Variants in TACC2 observed in about 807,000 individuals in gnomAD.
TACC2 encodes the protein transforming acidic coiled-coil containing protein 2.
Under a neutral mutation model 227.3 loss-of-function variants are expected in TACC2, and 137 were observed. The observed-to-expected ratio is 0.60, with a 90% CI of 0.52 to 0.69. The LOEUF is 0.69. Ranked by LOEUF, TACC2 falls within the 30% of genes least tolerant of loss-of-function variation. TACC2 has a pLI of 0.00. For missense variants in TACC2, 3,470 were observed against 3,694.4 expected (o/e 0.94, Z 1.57); for synonymous variants, 1,523 against 1,487.5 (o/e 1.02, Z -0.55).
At chr10:122,224,377 C>T (rs937050787) in intron 11 of TACC2, among the ~76,000 whole-genome samples, 1 of 152,120 alleles carries the variant, frequency 6.6e-6, no homozygotes. Context: ...AGAGGAAACC[C>T]GCACCCAGAA....
chr10:122,022,269 T>C lies in TACC2; in HGVS notation c.33+255T>C, dbSNP rs1379086115. ...TTTATTATTATTTTTAAAGACATGG[T>C]CTTGCTCTGTCACCCAGGCTTGAAT... On this transcript the variant is annotated intron_variant, in intron 2 of 22. Transcript: ENST00000369005. 3 of 397,158 alleles carry C rather than the reference T, an allele frequency of 7.6e-6. No individual in the cohort carries two copies. The Admixed American group carries it at 1.2e-4, about 16-fold the overall frequency. The allele number at this position is 397,158 out of a possible 1,614,324, so 24.6% of individuals were successfully genotyped here. A position where few individuals can be genotyped will look rare whatever the true frequency, so the allele number is the denominator to read the frequency against.
intron 7 of TACC2, among the ~76,000 whole-genome samples, chr10:122,186,386 C>T (rs1275301470): frequency 2.0e-5 from 3 of 151,980 alleles, no homozygotes; most frequent in Admixed American, 6.6e-5. Flanking sequence ...CCAGCTTACT[C>T]GGGAGGCTGA....
chr10:122,146,552 G>A (rs571150296), intron 7 of TACC2, among the ~76,000 whole-genome samples: 7 of 152,112 alleles, frequency 4.6e-5, no homozygotes, highest in African/African-American at 1.4e-4. Flanking sequence ...AGAAAGACCC[G>A]AGCTAGCTTA....
chr10:122,200,299 G>A (rs933356818), intron 8 of TACC2, among the ~76,000 whole-genome samples: 1 of 152,182 alleles, frequency 6.6e-6, no homozygotes, highest in Non-Finnish European at 1.5e-5. Context: ...CAGGCTGGAA[G>A]GACGATGGAG....
At chr10:122,100,487 G>A (rs1260427008) in intron 5 of TACC2, among the ~76,000 whole-genome samples, 1 of 148,990 alleles carries the variant, frequency 6.7e-6, no homozygotes, top group Non-Finnish European at 1.5e-5. Context: ...GCAGTGGCCC[G>A]ATCTTAGCTC....
chr10:122,178,895 A>T (rs1232008897), intron 7 of TACC2, among the ~76,000 whole-genome samples: 2 of 152,146 alleles, frequency 1.3e-5, no homozygotes, highest in African/African-American at 4.8e-5. Flanking sequence ...AAAACACAGG[A>T]TAAACCCCTA....
At chr10:122,228,206 G>C (rs571105721) in intron 14 of TACC2, among the ~76,000 whole-genome samples, 198 bp downstream of exon 14, 23 of 152,346 alleles carry the variant, frequency 1.5e-4, no homozygotes, top group African/African-American at 5.5e-4. Context: ...ATTCCCACCA[G>C]TATGGTTTTG....
At position 122,084,162 on chromosome 10, in the gene TACC2, G is replaced by C. The variant is rs373604882; in HGVS notation, c.1662G>C (p.Lys554Asn). The change falls in exon 4 of 23, where the codon AAG (lysine) becomes AAC (asparagine). Residue 554 changes from lysine to asparagine, a missense_variant. This residue lies in a region of TACC2 where 1,924 missense variants were observed against 1,978.3 expected (regional missense o/e 0.97). Coordinates refer to ENST00000369005, the MANE Select transcript of TACC2 (RefSeq NM_206862.4). ...RGPPGPTDGA[K>N]VHEDSTSPAV... is the part of the protein sequence containing the mutation. ...CACCGGGGCCAACGGATGGAGCCAAGGTCCATGAAGATTCCACAAGCCCAG... is the reference window on the plus strand; with the variant it reads ...CACCGGGGCCAACGGATGGAGCCAACGTCCATGAAGATTCCACAAGCCCAG... 1.2e-6 allele frequency: 2 copies of C among 1,614,066 alleles called. No homozygotes were observed. The highest frequency in any genetic ancestry group is 4.5e-5 in the East Asian group (2 of 44,864).
chr10:122,052,424 C>CAGGGCATGGTGGCTCACGT (rs2075795713), intron 3 of TACC2: 3 of 152,104 alleles, frequency 2.0e-5, no homozygotes, highest in African/African-American at 7.2e-5. Flanking sequence ...AAAAGAGGTG[C>CAGGGCATGGTGGCTCACGT]CCGTAATCCC....
At chr10:122,112,220 G>T (rs374213879) in intron 5 of TACC2, among the ~76,000 whole-genome samples, 1 of 152,176 alleles carries the variant, frequency 6.6e-6, no homozygotes, top group African/African-American at 2.4e-5. Flanking sequence ...TTGGGGCCTA[G>T]CTGCAGAAAT....
chr10:122,166,536 T>G (rs1044006593), intron 7 of TACC2, among the ~76,000 whole-genome samples: 4 of 152,144 alleles, frequency 2.6e-5, no homozygotes, highest in Non-Finnish European at 4.4e-5. Flanking sequence ...GTGACCAGTC[T>G]CTTGCTACTC....
intron 19 of TACC2, 25 bp downstream of exon 19, chr10:122,242,026 T>A (rs1270524017): frequency 1.2e-6 from 2 of 1,609,508 alleles, no homozygotes; most frequent in Non-Finnish European, 1.7e-6. Context: ...CTGCGGGGGC[T>A]CAGGCCGGCC....
rs2091924644 is a variant in TACC2, at chr10:122,150,501, G to C, written c.5834+6795G>C. On this transcript the variant is annotated intron_variant, in intron 7 of 22. Coordinates refer to ENST00000369005, the MANE Select transcript of TACC2 (RefSeq NM_206862.4). This position sits in a 1 kb window ranked among gnomAD's most constrained non-coding sequence, Gnocchi z 4.0. Reference sequence around the variant, plus strand: ...AGGTGCTTGCCCTGCGGGAGGCTGCGTTCCTTCCAAGCCAAATGCGTGCTC... The same window carrying C: ...AGGTGCTTGCCCTGCGGGAGGCTGCCTTCCTTCCAAGCCAAATGCGTGCTC... Among the ~76,000 whole-genome samples, 1 of 152,182 alleles carries C rather than the reference G, an allele frequency of 6.6e-6. No homozygotes were observed. The highest frequency in any genetic ancestry group is 1.5e-5 in the Non-Finnish European group (1 of 68,026).
In TACC2 at chr10:122,210,884, G is replaced by T. The variant is rs114199549; in HGVS notation, c.6459G>T (p.Thr2153=). Residue 2153 remains threonine, a synonymous_variant, in exon 9 of 23, where the codon ACG becomes ACT. Transcript: ENST00000369005. This position sits in a 1 kb window ranked among gnomAD's most constrained non-coding sequence, Gnocchi z 4.6. The stretch of plus-strand genomic sequence containing the variant: ...CAGAGACCCCCCCAGTGAAGGAGAC[G>T]CAACAGGAGCCAGATGAAGAGAGCC... ...KPTETPPVKE[T]QQEPDEESLV... is the part of the protein sequence containing the mutation. 61 of 1,613,320 alleles carry T rather than the reference G, an allele frequency of 3.8e-5. No individual in the cohort carries two copies. In the African/African-American group the frequency reaches 7.6e-4, roughly 20 times the overall value.
chr10:122,015,133 A>G (rs1956422604), intron 1 of TACC2, among the ~76,000 whole-genome samples: 1 of 151,668 alleles, frequency 6.6e-6, no homozygotes, highest in Non-Finnish European at 1.5e-5. Flanking sequence ...GACAAAACAT[A>G]TCTCATAGCT....
intron 8 of TACC2, among the ~76,000 whole-genome samples, chr10:122,207,446 G>T (rs2095155659): frequency 6.6e-6 from 1 of 152,112 alleles, no homozygotes; most frequent in Non-Finnish European, 1.5e-5. Context: ...GGAGGATTTT[G>T]CCCCCACAAG....
At chr10:122,107,843 C>T (rs1034021662) in intron 5 of TACC2, among the ~76,000 whole-genome samples, 10 of 148,016 alleles carry the variant, frequency 6.8e-5, no homozygotes, top group Admixed American at 2.7e-4. Flanking sequence ...CACCCTTTCC[C>T]CCAAGACCCC....
chr10:122,159,755 A>G (rs947943719), intron 7 of TACC2, among the ~76,000 whole-genome samples: 1 of 152,144 alleles, frequency 6.6e-6, no homozygotes. Context: ...CTGTGTTTAC[A>G]TTCTTAGCTC....
intron 3 of TACC2, among the ~76,000 whole-genome samples, chr10:122,073,201 G>A (rs923177693): frequency 6.8e-5 from 10 of 148,092 alleles, no homozygotes; most frequent in Non-Finnish European, 1.2e-4. Flanking sequence ...AACCTTGGGG[G>A]GATCCAAATC....
Sources: gnomAD v4.1 joint callset for allele counts (sites outside exome capture counted in the v4.1 genomes callset) on GRCh38, gnomAD v4.1.1 for gene constraint, gnomAD v4.1.1 regional missense constraint, Gnocchi (gnomAD v3.1) non-coding constraint, MANE v1.5 for transcripts, NCBI Gene and HGNC (gene_info 2026-07-23, HGNC 2026-07-21) for gene names.